Variants in TTLL11 observed in about 807,000 individuals in gnomAD.
The protein encoded by TTLL11 is tubulin polyglutamylase TTLL11.
In TTLL11, 42 loss-of-function variants were observed where a neutral mutation model predicts 51.7. The ratio of observed to expected loss-of-function variants is 0.81; its 90% CI spans 0.64 to 1.05. TTLL11 has a LOEUF of 1.05. TTLL11 is among the 50% of genes least tolerant of loss of function. TTLL11 has a pLI of 0.00. For missense variants in TTLL11, 799 were observed against 940.4 expected (o/e 0.85, Z 1.97); for synonymous variants, 381 against 383.5 (o/e 0.99, Z 0.08).
At chr9:121,897,640 A>ACACACACACACACACGCGCG (rs111331446) in intron 6 of TTLL11, among the ~76,000 whole-genome samples, 2 of 139,390 alleles carry the variant, frequency 1.4e-5, no homozygotes, top group Admixed American at 7.1e-5. Flanking sequence ...ACACACACAC[A>ACACACACACACACACGCGCG]CGCGCGCGCG....
intron 1 of TTLL11, among the ~76,000 whole-genome samples, chr9:122,059,695 TA>T (rs1452070265): frequency 6.6e-6 from 1 of 152,216 alleles, no homozygotes; most frequent in Non-Finnish European, 1.5e-5. Flanking sequence ...AACACCTATT[TA>T]TTAGTTCACA....
At chr9:121,983,800 A>G (rs1446096850) in intron 4 of TTLL11, among the ~76,000 whole-genome samples, 1 of 152,056 alleles carries the variant, frequency 6.6e-6, no homozygotes, top group Non-Finnish European at 1.5e-5. Context: ...AGCTCTCCCC[A>G]TTACACTGTG....
intron 1 of TTLL11, among the ~76,000 whole-genome samples, chr9:122,090,757 A>C (rs1846238559): frequency 6.6e-6 from 1 of 152,242 alleles, no homozygotes; most frequent in African/African-American, 2.4e-5. Flanking sequence ...TAGTGAGGGA[A>C]ACGACAATAA....
intron 1 of TTLL11, among the ~76,000 whole-genome samples, chr9:122,087,272 C>T (rs1003028303): frequency 6.6e-6 from 1 of 151,862 alleles, no homozygotes; most frequent in African/African-American, 2.4e-5. Context: ...TGCAGTGGTG[C>T]GATTTCAGCT....
chr9:121,844,857 C>A (rs4455936), intron 8 of TTLL11, among the ~76,000 whole-genome samples: 108,046 of 151,444 alleles, frequency 0.71, 39,753 homozygotes, highest in African/African-American at 0.9. Flanking sequence ...AAAAAGGAGA[C>A]TATCCAGGAA....
At chr9:122,087,611 G>A (rs1157971021) in intron 1 of TTLL11, among the ~76,000 whole-genome samples, 4 of 152,074 alleles carry the variant, frequency 2.6e-5, no homozygotes, top group African/African-American at 7.2e-5. Context: ...ATTCACATTA[G>A]CTGGTGGCCA....
At chr9:122,018,327 T>C in intron 3 of TTLL11, among the ~76,000 whole-genome samples, 1 of 152,074 alleles carries the variant, frequency 6.6e-6, no homozygotes, top group Admixed American at 6.5e-5. Flanking sequence ...TTAGCTAGGG[T>C]GGTCTCAATC....
intron 6 of TTLL11, among the ~76,000 whole-genome samples, chr9:121,947,573 A>C (rs193108783): frequency 6.6e-6 from 1 of 152,322 alleles, no homozygotes; most frequent in East Asian, 1.9e-4. Flanking sequence ...AAAGTCACTT[A>C]GTGTCAGTGA....
chr9:121,873,632 TCCTC>T (rs1267639707), intron 6 of TTLL11, among the ~76,000 whole-genome samples: 3 of 148,712 alleles, frequency 2.0e-5, no homozygotes, highest in African/African-American at 7.6e-5. Flanking sequence ...CTCCTCCTCC[TCCTC>T]CTCCTCTCTT....
At chr9:122,005,268 C>A (rs889309249) in intron 3 of TTLL11, among the ~76,000 whole-genome samples, 9 of 152,124 alleles carry the variant, frequency 5.9e-5, no homozygotes, top group African/African-American at 2.2e-4. Flanking sequence ...TCCTTTCCAA[C>A]CCCTAAGATT....
At chr9:121,870,405 C>A in intron 7 of TTLL11, 92 bp downstream of exon 7, 5 of 1,464,180 alleles carry the variant, frequency 3.4e-6, no homozygotes, top group Non-Finnish European at 4.6e-6. Flanking sequence ...CACAGATTCT[C>A]CCGAGCGCAG....
intron 4 of TTLL11, among the ~76,000 whole-genome samples, chr9:121,976,171 A>T (rs1294766530): frequency 6.6e-6 from 1 of 152,150 alleles, no homozygotes; most frequent in Non-Finnish European, 1.5e-5. Flanking sequence ...GCCCTGTGTG[A>T]CACCCCTGCA....
intron 8 of TTLL11, among the ~76,000 whole-genome samples, chr9:121,826,555 G>GTATATATATATATATATATATATA (rs1230489015): frequency 2.1e-5 from 1 of 48,108 alleles, no homozygotes; most frequent in African/African-American, 9.5e-5. Context: ...ATATATGTGT[G>GTATATATATATATATATATATATA]TGTATATATA....
intron 6 of TTLL11, among the ~76,000 whole-genome samples, chr9:121,931,583 TTAAAAAAAAAA>T (rs1457682996): frequency 9.6e-6 from 1 of 103,836 alleles, no homozygotes; most frequent in Non-Finnish European, 2.0e-5. Flanking sequence ...TTTCTACTAT[TTAAAAAAAAAA>T]AAAAAAAAAA....
At chr9:121,856,524 C>A (rs1455286341) in intron 8 of TTLL11, among the ~76,000 whole-genome samples, 1 of 152,190 alleles carries the variant, frequency 6.6e-6, no homozygotes, top group Non-Finnish European at 1.5e-5. Context: ...TTTTGTCTCA[C>A]ATAAATGTTC....
At chr9:121,983,348 A>G (rs1274679929) in intron 4 of TTLL11, among the ~76,000 whole-genome samples, 1 of 152,204 alleles carries the variant, frequency 6.6e-6, no homozygotes, top group Non-Finnish European at 1.5e-5. Flanking sequence ...GTAGAAAATT[A>G]AAGTGGGCAC....
Position 122,093,013 on chromosome 9 carries a change from C to T in TTLL11, c.136G>A (p.Gly46Ser). The T allele has an allele frequency of 6.5e-7, 1 of 1,536,234 alleles. No individual in the cohort carries two copies. The highest frequency in any genetic ancestry group is 2.5e-5 in the East Asian group (1 of 39,634). ...TVAEQVRVDA[G>S]AAGEPECKAG... ...TTGCACTCCGGTTCCCCGGCCGCGC[C>T]CGCGTCCACGCGGACCTGTTCCGCC... Residue 46 changes from glycine to serine, a missense_variant, in exon 1 of 9, where the codon GGC becomes AGC. Around this residue, in one of 3 missense-constraint regions of TTLL11, gnomAD observed 166 missense variants for 161.6 expected, o/e 1.03. Transcript: ENST00000321582.
intron 1 of TTLL11, among the ~76,000 whole-genome samples, chr9:122,056,784 C>A (rs1451264077): frequency 6.6e-6 from 1 of 152,218 alleles, no homozygotes; most frequent in Non-Finnish European, 1.5e-5. Flanking sequence ...CAAGCCTCAC[C>A]TCCTGATATC....
chr9:121,918,333 A>G (rs1840412366), intron 6 of TTLL11, among the ~76,000 whole-genome samples: 1 of 152,212 alleles, frequency 6.6e-6, no homozygotes, highest in Non-Finnish European at 1.5e-5. Flanking sequence ...GAAATGTCAG[A>G]GTGAAGGTGG....
Sources: allele counts gnomAD v4.1 joint callset (sites outside exome capture counted in the v4.1 genomes callset), GRCh38; gene constraint gnomAD v4.1.1; regional missense constraint gnomAD v4.1.1; transcripts MANE v1.5; gene names NCBI Gene and HGNC (gene_info 2026-07-23, HGNC 2026-07-21).